LRRC7: variants seen among roughly 807,000 people sequenced by gnomAD.
LRRC7 encodes the protein leucine-rich repeat-containing protein 7.
Under a neutral mutation model 175.7 loss-of-function variants are expected in LRRC7, and 23 were observed. That is an observed-to-expected ratio of 0.13 (90% CI 0.09 to 0.19). LRRC7 has a LOEUF of 0.19. Ranked by LOEUF, LRRC7 falls within the 10% of genes least tolerant of loss-of-function variation. The pLI, the probability that LRRC7 is intolerant of heterozygous loss-of-function variation, is 1.00. For missense variants in LRRC7, 1,354 were observed against 1,904.7 expected (o/e 0.71, Z 5.38); for synonymous variants, 685 against 680.9 (o/e 1.01, Z -0.09).
intron 2 of LRRC7, among the ~76,000 whole-genome samples, chr1:69,729,333 A>G (rs1667314849): frequency 1.3e-5 from 2 of 152,282 alleles, no homozygotes; most frequent in South Asian, 4.1e-4. Flanking sequence ...CAGAAGTCCT[A>G]GTCCAAAGTC....
intron 24 of LRRC7, among the ~76,000 whole-genome samples, chr1:70,080,913 A>G (rs973802350): frequency 6.6e-6 from 1 of 152,176 alleles, no homozygotes; most frequent in Non-Finnish European, 1.5e-5. Flanking sequence ...ATCCTATTAG[A>G]TCTCTCCTTT....
intron 1 of LRRC7, among the ~76,000 whole-genome samples, chr1:69,608,866 C>CTATATA (rs200475842): frequency 5.3e-4 from 22 of 41,162 alleles, no homozygotes; most frequent in Admixed American, 1.3e-3. Context: ...CTCTCTCTCT[C>CTATATA]TATATATATA....
intron 1 of LRRC7, among the ~76,000 whole-genome samples, chr1:69,601,191 C>T (rs1311631536): frequency 6.6e-6 from 1 of 152,154 alleles, no homozygotes; most frequent in Non-Finnish European, 1.5e-5. Context: ...GTAAGAGTGT[C>T]ATTGCTTCCA....
chr1:70,099,299 T>G (rs1244478289), intron 25 of LRRC7, among the ~76,000 whole-genome samples: 1 of 132,106 alleles, frequency 7.6e-6, no homozygotes, highest in East Asian at 2.1e-4. Flanking sequence ...TCTCAATAAA[T>G]TAGGTATTGA....
intron 7 of LRRC7, among the ~76,000 whole-genome samples, chr1:69,907,647 G>A (rs1246504717): frequency 6.6e-6 from 1 of 152,166 alleles, no homozygotes; most frequent in African/African-American, 2.4e-5. Flanking sequence ...TTGATGTGCT[G>A]CTGGATTCGA....
At chr1:69,732,442 G>A (rs181716437) in intron 2 of LRRC7, among the ~76,000 whole-genome samples, 67 of 152,040 alleles carry the variant, frequency 4.4e-4, no homozygotes, top group Middle Eastern at 6.8e-3. Context: ...TTTTAAAAAA[G>A]TCCCTGAAAA....
chr1:69,913,024 A>G lies in LRRC7; in HGVS notation c.648-18483A>G, dbSNP rs1309786660. ...GGAAAGAAAACTTTTTCAATAAGACATCACAAAATTAACCTAAACTGTTCA... is the reference window on the plus strand; with the variant it reads ...GGAAAGAAAACTTTTTCAATAAGACGTCACAAAATTAACCTAAACTGTTCA... On this transcript the variant is annotated intron_variant, in intron 7 of 26. Transcript: ENST00000651989. Among the ~76,000 whole-genome samples, 20 of 152,306 alleles carry G rather than the reference A, an allele frequency of 1.3e-4. No homozygotes were observed. The East Asian group carries it at 3.5e-3, about 26-fold the overall frequency.
chr1:69,805,343 C>T (rs1676988868), intron 4 of LRRC7, among the ~76,000 whole-genome samples: 1 of 151,702 alleles, frequency 6.6e-6, no homozygotes, highest in Non-Finnish European at 1.5e-5. Flanking sequence ...CATCTGAGCA[C>T]ATTACTCTTG....
At position 70,134,168 on chromosome 1, in the gene LRRC7, GA is replaced by G; in HGVS notation, c.*12284del. On this transcript the variant is annotated 3_prime_UTR_variant, in exon 27 of 27. Transcript: ENST00000651989. ...ATGAAGTGAATAAGAAATGTATTTC[GA>G]AATGTATTTCAAAATGTCTCTCACA... is the stretch of plus-strand genomic sequence containing the variant. Among the ~76,000 whole-genome samples the G allele has an allele frequency of 6.6e-6, 1 of 152,080 alleles. No homozygotes were observed. Among genetic ancestry groups the G allele is most frequent in the Admixed American group, 6.6e-5 (1 of 15,266 alleles).
Position 69,735,480 on chromosome 1 carries a change from G to A in LRRC7, c.101-24711G>A, listed in dbSNP as rs1249434148. On this transcript the variant is annotated intron_variant, in intron 2 of 26. Coordinates refer to ENST00000651989, the MANE Select transcript of LRRC7 (RefSeq NM_001370785.2). ...TTGTTGGTGCTTGTGCTTCTTATTC[G>A]ATCACATCAGAAGGCATATTATATT... 3.3e-5 allele frequency among the ~76,000 whole-genome samples: 5 copies of A among 151,852 alleles called. No homozygotes were observed. In the East Asian group the frequency reaches 5.8e-4, roughly 18 times the overall value.
intron 1 of LRRC7, among the ~76,000 whole-genome samples, chr1:69,633,882 T>C (rs1252377653): frequency 6.6e-6 from 1 of 152,162 alleles, no homozygotes; most frequent in East Asian, 1.9e-4. Flanking sequence ...GTTTGATTTC[T>C]TTTTTTCTTC....
At chr1:70,084,585 T>C (rs568410431) in intron 24 of LRRC7, among the ~76,000 whole-genome samples, 2 of 152,322 alleles carry the variant, frequency 1.3e-5, no homozygotes, top group African/African-American at 4.8e-5. Context: ...TTCTACTTTT[T>C]GGCTATTAAG....
chr1:69,807,295 A>C (rs2101121183), intron 4 of LRRC7, among the ~76,000 whole-genome samples: 1 of 152,102 alleles, frequency 6.6e-6, no homozygotes, highest in East Asian at 1.9e-4. Context: ...GCCCATTTTC[A>C]TTTAAAATTA....
intron 4 of LRRC7, among the ~76,000 whole-genome samples, chr1:69,795,916 T>TA (rs1675696329): frequency 6.6e-6 from 1 of 151,758 alleles, no homozygotes; most frequent in Non-Finnish European, 1.5e-5. Flanking sequence ...TTTTGGGTTT[T>TA]TTTTTGTTTT....
Position 70,121,970 on chromosome 1 carries a change from A to G in LRRC7, c.*83A>G. 1 of 904,022 alleles carries G rather than the reference A, an allele frequency of 1.1e-6. No homozygotes were observed. Among genetic ancestry groups the G allele is most frequent in the East Asian group, 2.6e-5 (1 of 39,056 alleles). The allele number at this position is 904,022 out of a possible 1,614,324, so 56.0% of individuals were successfully genotyped here. A position where few individuals can be genotyped will look rare whatever the true frequency, so the allele number is the denominator to read the frequency against. On this transcript the variant is annotated 3_prime_UTR_variant, in exon 27 of 27. Coordinates refer to ENST00000651989, the MANE Select transcript of LRRC7 (RefSeq NM_001370785.2). Reference sequence around the variant, plus strand: ...TTATACATAGAAACAAATTTTGCCAATTGCTGGACCAATGGCAAACATTAG... The same window carrying G: ...TTATACATAGAAACAAATTTTGCCAGTTGCTGGACCAATGGCAAACATTAG...
At chr1:69,718,469 G>A (rs189773150) in intron 2 of LRRC7, among the ~76,000 whole-genome samples, 2 of 151,878 alleles carry the variant, frequency 1.3e-5, no homozygotes, top group Admixed American at 1.3e-4. Context: ...CATAACATTC[G>A]TATGTCTCCT....
intron 11 of LRRC7, 36 bp from the exon 12 acceptor site, chr1:70,011,761 T>C (rs756088816): frequency 6.9e-7 from 1 of 1,458,652 alleles, no homozygotes; most frequent in Non-Finnish European, 9.5e-7. Context: ...GCTATCTAAC[T>C]TTTAAAATGT....
chr1:69,813,404 T>G (rs1425998070), intron 4 of LRRC7, among the ~76,000 whole-genome samples: 3 of 152,118 alleles, frequency 2.0e-5, no homozygotes, highest in Admixed American at 6.6e-5. Context: ...CCAGTGATCA[T>G]TTCATACTTC....
At chr1:69,583,613 A>G (rs1017954779) in intron 1 of LRRC7, among the ~76,000 whole-genome samples, 7 of 152,316 alleles carry the variant, frequency 4.6e-5, no homozygotes, top group Non-Finnish European at 7.4e-5. Flanking sequence ...ATGCCAATGT[A>G]TAATTATTTT....
Sources: gnomAD v4.1 joint callset for allele counts (sites outside exome capture counted in the v4.1 genomes callset) on GRCh38, gnomAD v4.1.1 for gene constraint, MANE v1.5 for transcripts, NCBI Gene and HGNC (gene_info 2026-07-23, HGNC 2026-07-21) for gene names.